Variants in RNF135 observed in about 807,000 individuals in gnomAD.
The protein encoded by RNF135 is ring finger protein 135, also known as E3 ubiquitin-protein ligase RNF135.
Under a neutral mutation model 41.9 loss-of-function variants are expected in RNF135, and 46 were observed. That is an observed-to-expected ratio of 1.10 (90% CI 0.87 to 1.40). The LOEUF (loss-of-function observed/expected upper bound fraction) is 1.40. Among genes scored for constraint, RNF135 ranks in the 40% most tolerant of loss-of-function variants. The probability of loss-of-function intolerance (pLI) is 0.00; values close to 1 mark genes in which losing one functional copy is unlikely to be tolerated. For synonymous variants in RNF135, 238 were observed against 223.8 expected (o/e 1.06, Z -0.57); for missense variants, 539 against 549.8 (o/e 0.98, Z 0.20).
intron 1 of RNF135, among the ~76,000 whole-genome samples, chr17:30,980,508 C>T (rs1197127670): frequency 1.6e-4 from 22 of 137,246 alleles, no homozygotes; most frequent in African/African-American, 5.7e-4. Context: ...GGCTGACCCC[C>T]CCCACCTCCC....
chr17:30,982,156 C>G (rs112363414), intron 1 of RNF135, among the ~76,000 whole-genome samples: 2,245 of 152,320 alleles, frequency 0.015, 64 homozygotes, highest in African/African-American at 0.051. Context: ...GGCTCGGGGC[C>G]GGTCCAGAGA....
At chr17:30,974,207 A>G (rs1906241301) in intron 1 of RNF135, among the ~76,000 whole-genome samples, 1 of 152,226 alleles carries the variant, frequency 6.6e-6, no homozygotes, top group African/African-American at 2.4e-5. Context: ...CTGTCTCAAA[A>G]TAAATGTATA....
rs143861159 is a variant in RNF135, at chr17:30,977,795, C to T, written c.372+6350C>T. Reference sequence around the variant, plus strand: ...TGTTGGCCAGGCTAGTCTCGAACTCCTGACCTCAGGTGATCCACCCGCCGT... The same window carrying T: ...TGTTGGCCAGGCTAGTCTCGAACTCTTGACCTCAGGTGATCCACCCGCCGT... On this transcript the variant is annotated intron_variant, in intron 1 of 4. Coordinates refer to ENST00000328381, the MANE Select transcript of RNF135 (RefSeq NM_032322.4). 8.3e-4 allele frequency among the ~76,000 whole-genome samples: 127 copies of T among 152,296 alleles called. 2 individuals carry two copies. The East Asian group carries it at 0.021, about 25-fold the overall frequency.
intron 1 of RNF135, among the ~76,000 whole-genome samples, chr17:30,983,351 A>T (rs1315261824): frequency 0.2 from 8,234 of 41,738 alleles, 814 homozygotes; most frequent in East Asian, 0.31. Context: ...ATATATATAT[A>T]TATTTTTTTT....
At chr17:30,966,698 G>A (rs1282025443), upstream of RNF135, among the ~76,000 whole-genome samples, 16 of 149,922 alleles carry the variant, frequency 1.1e-4, no homozygotes, top group East Asian at 1.2e-3. Flanking sequence ...GTAGAGACGC[G>A]GTTTCACCGT....
At chr17:30,988,413 T>C (rs941620403) in intron 3 of RNF135, among the ~76,000 whole-genome samples, 1 of 149,170 alleles carries the variant, frequency 6.7e-6, no homozygotes, top group Non-Finnish European at 1.5e-5. Flanking sequence ...TAGGCCACTT[T>C]TAATTTTTTT....
At position 30,999,660 on chromosome 17, in the gene RNF135, A is replaced by C. The variant is rs1908609749; in HGVS notation, c.*469A>C. The C allele has an allele frequency of 5.5e-6, 1 of 182,778 alleles. No homozygotes were observed. Among genetic ancestry groups the C allele is most frequent in the East Asian group, 1.3e-4 (1 of 7,922 alleles). 11.3% of individuals were successfully genotyped at this position (182,778 alleles called of 1,614,324 possible). A position where few individuals can be genotyped will look rare whatever the true frequency, so the allele number is the denominator to read the frequency against. The stretch of plus-strand genomic sequence containing the variant: ...AAGTTAGCCATGTGGGCAGTGAAGC[A>C]TGCCAATGTGATCAATCCCTAGTAA... On this transcript the variant is annotated 3_prime_UTR_variant, in exon 5 of 5. Coordinates refer to ENST00000328381, the MANE Select transcript of RNF135 (RefSeq NM_032322.4).
rs966401445 is a variant in RNF135, at chr17:30,984,813, G to A, written c.516+53G>A. On this transcript the variant is annotated intron_variant, in intron 2 of 4. Coordinates refer to ENST00000328381, the MANE Select transcript of RNF135 (RefSeq NM_032322.4). The stretch of plus-strand genomic sequence containing the variant: ...GTGGAAGGGAATAGGGCTAGGGATT[G>A]CTTTCAACTGGAACAACATGAACAT... 2.5e-6 allele frequency: 4 copies of A among 1,576,290 alleles called. No individual in the cohort carries two copies. In the African/African-American group the frequency reaches 5.4e-5, roughly 21 times the overall value.
chr17:30,972,033 C>G (rs965980580), intron 1 of RNF135: 3 of 152,514 alleles, frequency 2.0e-5, no homozygotes, highest in African/African-American at 7.2e-5. Context: ...CACAGATGAT[C>G]CGTCCGCCTC....
At chr17:30,988,851 G>T (rs1263060934) in intron 3 of RNF135, among the ~76,000 whole-genome samples, 2 of 147,466 alleles carry the variant, frequency 1.4e-5, no homozygotes, top group Non-Finnish European at 3.0e-5. Context: ...GTGCGATCTT[G>T]GCCAGAATTA....
intron 1 of RNF135, chr17:30,975,613 A>C (rs1053450466): frequency 1.8e-5 from 17 of 931,938 alleles, no homozygotes; most frequent in Non-Finnish European, 3.0e-5. Flanking sequence ...AAGCCAAATA[A>C]AAGCATATTC....
chr17:30,964,770 C>T, the RNF135 span, among the ~76,000 whole-genome samples: 3 of 151,598 alleles, frequency 2.0e-5, no homozygotes, highest in African/African-American at 7.3e-5. Flanking sequence ...CTGCAACCTC[C>T]ACCTCCTAGG....
intron 4 of RNF135, 112 bp from the exon 5 acceptor site, chr17:30,998,550 G>A (rs776617139): frequency 9.7e-7 from 1 of 1,026,730 alleles, no homozygotes; most frequent in Non-Finnish European, 1.5e-6. Flanking sequence ...TAATGCTAGT[G>A]TGAGTGAAAC....
the RNF135 span, among the ~76,000 whole-genome samples, chr17:30,964,239 A>G: frequency 6.6e-6 from 1 of 151,872 alleles, no homozygotes; most frequent in Non-Finnish European, 1.5e-5. Flanking sequence ...AACACAAAAA[A>G]TTAGCTGGGC....
Position 30,992,065 on chromosome 17 carries a change from G to A in RNF135, c.679+3959G>A, listed in dbSNP as rs1022372494. ...TCCTGCCTCAGCCTCCCAAGTAGCT[G>A]GGATTACAAGCCTGTGCCACCACAC... On this transcript the variant is annotated intron_variant, in intron 3 of 4. Coordinates refer to ENST00000328381, the MANE Select transcript of RNF135 (RefSeq NM_032322.4). Among the ~76,000 whole-genome samples, 15 of 151,798 alleles carry A rather than the reference G, an allele frequency of 9.9e-5. No individual in the cohort carries two copies. In the East Asian group the frequency reaches 2.7e-3, roughly 28 times the overall value.
At chr17:30,960,382 C>T in the RNF135 span, among the ~76,000 whole-genome samples, 1 of 150,464 alleles carries the variant, frequency 6.6e-6, no homozygotes, top group Non-Finnish European at 1.5e-5. Flanking sequence ...CAGAGTGAGA[C>T]TCCGTCTCAA....
chr17:30,970,205 T>TA (rs1282019220), upstream of RNF135: 1 of 148,630 alleles, frequency 6.7e-6, no homozygotes, highest in Non-Finnish European at 1.5e-5. Flanking sequence ...TTTTTTTTTT[T>TA]AACCTCTTTG....
chr17:30,970,410 T>C (rs118104959), upstream of RNF135: 454 of 152,934 alleles, frequency 3.0e-3, 3 homozygotes, highest in Non-Finnish European at 5.4e-3. Flanking sequence ...CAACTCTGCA[T>C]TATACCTGCG....
chr17:30,976,865 C>A (rs1426856501), intron 1 of RNF135, among the ~76,000 whole-genome samples: 1 of 152,058 alleles, frequency 6.6e-6, no homozygotes, highest in African/African-American at 2.4e-5. Flanking sequence ...GGGAATAGAT[C>A]ATTGGGTCTT....
Sources: gnomAD v4.1 joint callset for allele counts (sites outside exome capture counted in the v4.1 genomes callset) on GRCh38, gnomAD v4.1.1 for gene constraint, MANE v1.5 for transcripts, NCBI Gene and HGNC (gene_info 2026-07-23, HGNC 2026-07-21) for gene names.